PTPRG: variants seen among roughly 807,000 people sequenced by gnomAD.
The protein encoded by PTPRG is protein tyrosine phosphatase receptor type G, also known as receptor-type tyrosine-protein phosphatase gamma.
PTPRG carries 102 observed loss-of-function variants against 165.3 expected under a neutral mutation model. The ratio of observed to expected loss-of-function variants is 0.62; its 90% CI spans 0.53 to 0.73. The LOEUF is 0.73. PTPRG is among the 30% of genes least tolerant of loss of function. The probability of loss-of-function intolerance (pLI) is 0.00; values close to 1 mark genes in which losing one functional copy is unlikely to be tolerated. For missense variants in PTPRG, 1,866 were observed against 1,861.4 expected (o/e 1.00, Z -0.05); for synonymous variants, 675 against 669.5 (o/e 1.01, Z -0.13).
intron 2 of PTPRG, among the ~76,000 whole-genome samples, chr3:61,817,499 C>T (rs879412414): frequency 6.6e-6 from 1 of 151,662 alleles, no homozygotes; most frequent in Non-Finnish European, 1.5e-5. Context: ...TTTTTAAATC[C>T]CAAATTCTTC....
intron 4 of PTPRG, 63 bp downstream of exon 4, chr3:62,003,560 G>C: frequency 6.3e-7 from 1 of 1,586,390 alleles, no homozygotes; most frequent in South Asian, 1.2e-5. Flanking sequence ...ATCAGATGCT[G>C]TGCCCTTACC....
At chr3:61,824,654 A>C (rs1386866736) in intron 2 of PTPRG, among the ~76,000 whole-genome samples, 8 of 152,184 alleles carry the variant, frequency 5.3e-5, no homozygotes, top group Non-Finnish European at 1.2e-4. Context: ...AACAAAAATT[A>C]ACTAGGTATG....
intron 4 of PTPRG, among the ~76,000 whole-genome samples, chr3:62,034,098 C>G (rs9879591): frequency 0.24 from 35,873 of 152,064 alleles, 4,639 homozygotes; most frequent in Middle Eastern, 0.36. Flanking sequence ...AATGATAATA[C>G]AAGCTAATAC....
At chr3:62,012,068 T>G (rs1559745536) in intron 4 of PTPRG, among the ~76,000 whole-genome samples, 1 of 152,210 alleles carries the variant, frequency 6.6e-6, no homozygotes, top group African/African-American at 2.4e-5. Flanking sequence ...TTGAAGTCAC[T>G]GATACTGGTG....
At chr3:62,251,595 A>G (rs1701420269) in intron 15 of PTPRG, among the ~76,000 whole-genome samples, 1 of 152,142 alleles carries the variant, frequency 6.6e-6, no homozygotes, top group Non-Finnish European at 1.5e-5. Context: ...ACAATTGAGC[A>G]GCTGCACTCC....
intron 1 of PTPRG, among the ~76,000 whole-genome samples, chr3:61,580,089 TTA>T (rs1377723087): frequency 6.6e-6 from 1 of 152,158 alleles, no homozygotes; most frequent in African/African-American, 2.4e-5. Flanking sequence ...AACTGATGGT[TTA>T]TGTTATTAGT....
At chr3:62,028,980 G>C (rs1007349850) in intron 4 of PTPRG, among the ~76,000 whole-genome samples, 4 of 152,140 alleles carry the variant, frequency 2.6e-5, no homozygotes, top group Admixed American at 2.6e-4. Context: ...GTCCATCTTG[G>C]GTCAGGTGGT....
At chr3:62,039,514 T>G (rs1318906375) in intron 4 of PTPRG, among the ~76,000 whole-genome samples, 2 of 152,082 alleles carry the variant, frequency 1.3e-5, no homozygotes, top group Non-Finnish European at 2.9e-5. Context: ...GGGTGTTTAT[T>G]CTACATTTTT....
intron 9 of PTPRG, among the ~76,000 whole-genome samples, chr3:62,192,454 G>GCCGGA (rs1559629257): frequency 9.9e-4 from 127 of 127,790 alleles, no homozygotes; most frequent in African/African-American, 3.6e-3. Flanking sequence ...TGTCGCCCAG[G>GCCGGA]CTGGAGTGCA....
At chr3:62,027,348 T>C (rs1025510263) in intron 4 of PTPRG, among the ~76,000 whole-genome samples, 1 of 152,126 alleles carries the variant, frequency 6.6e-6, no homozygotes, top group Non-Finnish European at 1.5e-5. Context: ...CTCCAGTCCC[T>C]ATACTTTATT....
At chr3:61,808,183 A>G (rs1000995971) in intron 2 of PTPRG, among the ~76,000 whole-genome samples, 1 of 152,240 alleles carries the variant, frequency 6.6e-6, no homozygotes, top group Non-Finnish European at 1.5e-5. Flanking sequence ...AGACCTAAGA[A>G]TCATCATCTG....
intron 7 of PTPRG, among the ~76,000 whole-genome samples, chr3:62,161,105 A>G (rs1173666205): frequency 3.3e-5 from 5 of 152,060 alleles, no homozygotes; most frequent in Admixed American, 6.6e-5. Context: ...CATCATGATG[A>G]TAATACTCCC....
chr3:62,293,414 T>C lies in PTPRG; in HGVS notation c.*107T>C. 1 of 996,994 alleles carries C rather than the reference T, an allele frequency of 1.0e-6. No homozygotes were observed. Among genetic ancestry groups the C allele is most frequent in the Admixed American group, 3.2e-5 (1 of 31,316 alleles). 61.8% of individuals were successfully genotyped at this position (996,994 alleles called of 1,614,324 possible). A position where few individuals can be genotyped will look rare whatever the true frequency, so the allele number is the denominator to read the frequency against. ...TTATACAATAACCCAGTTACTTTTT[T>C]ACACTGATAAAAGTTTTGATATTTA... On this transcript the variant is annotated 3_prime_UTR_variant, in exon 30 of 30. Coordinates refer to ENST00000474889, the MANE Select transcript of PTPRG (RefSeq NM_002841.4).
At chr3:61,818,093 AC>A (rs1245712022) in intron 2 of PTPRG, among the ~76,000 whole-genome samples, 12 of 152,030 alleles carry the variant, frequency 7.9e-5, no homozygotes, top group Admixed American at 5.9e-4. Context: ...GCTCCACCAT[AC>A]CCCCCACCCT....
At chr3:62,206,714 C>A (rs574023780) in intron 12 of PTPRG, among the ~76,000 whole-genome samples, 1 of 152,124 alleles carries the variant, frequency 6.6e-6, no homozygotes, top group Admixed American at 6.5e-5. Context: ...GGGTGGATCG[C>A]TTAAATCCAG....
chr3:62,276,753 T>A (rs1702244294), intron 24 of PTPRG: 2 of 532,754 alleles, frequency 3.8e-6, no homozygotes, highest in Non-Finnish European at 6.7e-6. Context: ...AGTAAAACTG[T>A]ATTCCTACAA....
At chr3:61,630,474 T>C (rs1701743882) in intron 1 of PTPRG, among the ~76,000 whole-genome samples, 1 of 152,206 alleles carries the variant, frequency 6.6e-6, no homozygotes, top group Admixed American at 6.5e-5. Context: ...CCTATTAATA[T>C]GACTTTTTTC....
At chr3:62,253,787 C>G (rs1336268453) in intron 15 of PTPRG, among the ~76,000 whole-genome samples, 1 of 152,088 alleles carries the variant, frequency 6.6e-6, no homozygotes, top group Non-Finnish European at 1.5e-5. Flanking sequence ...AATAACTTGG[C>G]AATTTTTTTC....
chr3:61,809,678 G>T (rs534315597), intron 2 of PTPRG, among the ~76,000 whole-genome samples: 3 of 152,076 alleles, frequency 2.0e-5, no homozygotes, highest in Non-Finnish European at 4.4e-5. Flanking sequence ...AGCTTGAAAA[G>T]AAAATAATAT....
Sources: gnomAD v4.1 joint callset for allele counts (sites outside exome capture counted in the v4.1 genomes callset) on GRCh38, gnomAD v4.1.1 for gene constraint, MANE v1.5 for transcripts, NCBI Gene and HGNC (gene_info 2026-07-23, HGNC 2026-07-21) for gene names.